The following AGK variants were observed in gnomAD, a reference collection of about 807,000 sequenced individuals.
AGK encodes the protein acylglycerol kinase, mitochondrial.
AGK carries 52 observed loss-of-function variants against 66.4 expected under a neutral mutation model. That is an observed-to-expected ratio of 0.78 (90% CI 0.63 to 0.99). AGK has a LOEUF of 0.99. Ranked by LOEUF, AGK falls within the 50% of genes least tolerant of loss-of-function variation. The probability of loss-of-function intolerance (pLI) is 0.00; values close to 1 mark genes in which losing one functional copy is unlikely to be tolerated. For synonymous variants in AGK, 182 were observed against 181.1 expected, an observed-to-expected ratio of 1.00 and a Z score of -0.04; for missense variants, 451 against 506.6, an observed-to-expected ratio of 0.89 and a Z score of 1.05.
At position 141,648,619 on chromosome 7, in the gene AGK, G is replaced by A. The variant is rs147916089; in HGVS notation, c.976-644G>A. Among the ~76,000 whole-genome samples the A allele has an allele frequency of 1.4e-3, 206 of 152,302 alleles. 2 individuals carry two copies. The highest frequency in any genetic ancestry group is 4.8e-3 in the African/African-American group (198 of 41,568). ...GATTGATTTACAGAGGGCTAGGTTT[G>A]TATGGCTAGTCACTGACTGGTAGCA... On this transcript the variant is annotated intron_variant, in intron 13 of 15. Coordinates refer to ENST00000649286, the MANE Select transcript of AGK (RefSeq NM_018238.4).
chr7:141,639,345 G>A (rs1252021029), intron 11 of AGK, among the ~76,000 whole-genome samples: 1 of 152,096 alleles, frequency 6.6e-6, no homozygotes, highest in Non-Finnish European at 1.5e-5. Context: ...AGAAACATGG[G>A]GTCAATATGG....
intron 4 of AGK, 110 bp from the exon 5 acceptor site, chr7:141,601,095 C>A: frequency 2.9e-6 from 2 of 690,476 alleles, no homozygotes; most frequent in Middle Eastern, 5.0e-4. Flanking sequence ...ATAAAGGAAA[C>A]CCGTATTGCA....
chr7:141,644,806 TAGAA>T (rs1478697887), intron 13 of AGK, among the ~76,000 whole-genome samples: 4 of 152,166 alleles, frequency 2.6e-5, no homozygotes, highest in African/African-American at 4.8e-5. Context: ...TCTTTCCAAA[TAGAA>T]AGCCAGTTGT....
intron 5 of AGK, among the ~76,000 whole-genome samples, chr7:141,605,815 G>A (rs967863657): frequency 1.3e-5 from 2 of 152,140 alleles, no homozygotes; most frequent in Non-Finnish European, 2.9e-5. Flanking sequence ...CGACTCTAAG[G>A]CATGTGCTTT....
intron 9 of AGK, among the ~76,000 whole-genome samples, chr7:141,627,510 T>C (rs1020188214): frequency 1.3e-5 from 2 of 152,226 alleles, no homozygotes; most frequent in Non-Finnish European, 2.9e-5. Flanking sequence ...GTTAGTTACA[T>C]AGAGCTTGCT....
chr7:141,577,505 A>G (rs894511125), intron 2 of AGK, among the ~76,000 whole-genome samples: 2 of 152,304 alleles, frequency 1.3e-5, no homozygotes, highest in East Asian at 1.9e-4. Context: ...CTTGCAGACA[A>G]TTTGAAGGGT....
intron 2 of AGK, among the ~76,000 whole-genome samples, chr7:141,558,385 G>T (rs1456848442): frequency 6.6e-6 from 1 of 151,196 alleles, no homozygotes; most frequent in African/African-American, 2.4e-5. Context: ...CGCTGGTCTC[G>T]AACTCCTGAC....
rs1796156859 is a variant in AGK at position 141,593,071 on chromosome 7, T to C, written c.102-75T>C. The C allele has an allele frequency of 3.7e-6, 5 of 1,357,622 alleles. No individual in the cohort carries two copies. The East Asian group carries it at 7.0e-5, about 19-fold the overall frequency. The allele number at this position is 1,357,622 out of a possible 1,614,324, so 84.1% of individuals were successfully genotyped here. ...AGAAGAGGTGCCTATATTAAAAAAT[T>C]AAAAAGCTCACAAATTTTGTTTGGA... On this transcript the variant is annotated intron_variant, in intron 2 of 15. Transcript: ENST00000649286.
intron 13 of AGK, among the ~76,000 whole-genome samples, chr7:141,646,561 A>C (rs1797418001): frequency 6.6e-6 from 1 of 152,238 alleles, no homozygotes; most frequent in African/African-American, 2.4e-5. Context: ...TCCAGAACAA[A>C]GCTTTAGAAC....
At chr7:141,624,245 T>C (rs1227852479) in intron 9 of AGK, among the ~76,000 whole-genome samples, 3 of 152,138 alleles carry the variant, frequency 2.0e-5, no homozygotes, top group African/African-American at 4.8e-5. Context: ...ATTTAATAAA[T>C]AAATTGTGGA....
chr7:141,636,013 C>A (rs1275634256), intron 10 of AGK, among the ~76,000 whole-genome samples: 1 of 152,176 alleles, frequency 6.6e-6, no homozygotes, highest in Admixed American at 6.6e-5. Context: ...GATTTGTTAA[C>A]AGAGATAAGT....
At chr7:141,558,365 C>A (rs924490335) in intron 2 of AGK, among the ~76,000 whole-genome samples, 4 of 150,730 alleles carry the variant, frequency 2.7e-5, no homozygotes, top group Admixed American at 2.6e-4. Flanking sequence ...TTTTTTTAAC[C>A]ATGTTGGCCC....
chr7:141,566,264 A>T (rs898979310), intron 2 of AGK, among the ~76,000 whole-genome samples: 1 of 152,058 alleles, frequency 6.6e-6, no homozygotes, highest in African/African-American at 2.4e-5. Flanking sequence ...TATATTATTC[A>T]TTGCTATTGT....
In AGK at chr7:141,653,254, G is replaced by T; in HGVS notation, c.*330G>T. The T allele has an allele frequency of 4.6e-6, 1 of 219,174 alleles. No individual in the cohort carries two copies. Among genetic ancestry groups the T allele is most frequent in the Non-Finnish European group, 9.3e-6 (1 of 107,192 alleles). The allele number at this position is 219,174 out of a possible 1,614,324, so 13.6% of individuals were successfully genotyped here. A position where few individuals can be genotyped will look rare whatever the true frequency, so the allele number is the denominator to read the frequency against. On this transcript the variant is annotated 3_prime_UTR_variant, in exon 16 of 16. Transcript: ENST00000649286. ...CAGTGGAGAGCCCACGGTGGGCTTA[G>T]CCTGCCTAGGCCCTTCCATTTCTCT... is the stretch of plus-strand genomic sequence containing the variant.
chr7:141,652,758 A>C (rs987641231), intron 15 of AGK, 29 bp from the exon 16 acceptor site: 3 of 1,611,120 alleles, frequency 1.9e-6, no homozygotes, highest in Non-Finnish European at 2.5e-6. Context: ...GATGTGTTTG[A>C]GCTGTTCTGA....
chr7:141,575,776 A>T (rs2116886425), intron 2 of AGK, among the ~76,000 whole-genome samples: 1 of 150,878 alleles, frequency 6.6e-6, no homozygotes, highest in Non-Finnish European at 1.5e-5. Context: ...ATTGCTGTAA[A>T]TATTTGGAAG....
intron 3 of AGK, chr7:141,593,388 C>T (rs1264202164): frequency 8.5e-6 from 6 of 704,378 alleles, no homozygotes; most frequent in Admixed American, 4.0e-5. Flanking sequence ...AGTTCTGACG[C>T]CCACCCCTAT....
rs981073579 is a variant in AGK, at chr7:141,555,334, GT to G, written c.-14-118del. ...GGAGAAGTGGTAAGGAGGAAGAGGA[GT>G]GAGTGGGAAAAAAAGGAGTGAGAGA... On this transcript the variant is annotated intron_variant, in intron 1 of 15. Coordinates refer to ENST00000649286, the MANE Select transcript of AGK (RefSeq NM_018238.4). This position sits in a 1 kb window ranked among gnomAD's most constrained non-coding sequence, Gnocchi z 4.2. 21 of 624,744 alleles carry G rather than the reference GT, an allele frequency of 3.4e-5. No individual in the cohort carries two copies. In the African/African-American group the frequency reaches 3.9e-4, roughly 12 times the overall value. 38.7% of individuals were successfully genotyped at this position (624,744 alleles called of 1,614,324 possible).
In AGK at chr7:141,571,832, A is replaced by AT. The variant is rs569102902; in HGVS notation, c.101+16273dup. Among the ~76,000 whole-genome samples, 422 of 152,166 alleles carry AT rather than the reference A, an allele frequency of 2.8e-3. 1 individual carries two copies. Among genetic ancestry groups the AT allele is most frequent in the Non-Finnish European group, 4.6e-3 (316 of 68,002 alleles). ...AGTACCCATTTCACTGGTCATGCAG[A>AT]TTTTTTTTAGAACAATGCCTGACAC... On this transcript the variant is annotated intron_variant, in intron 2 of 15. Transcript: ENST00000649286.
Sources: gnomAD v4.1 joint callset for allele counts (sites outside exome capture counted in the v4.1 genomes callset) on GRCh38, gnomAD v4.1.1 for gene constraint, Gnocchi (gnomAD v3.1) non-coding constraint, MANE v1.5 for transcripts, NCBI Gene and HGNC (gene_info 2026-07-23, HGNC 2026-07-21) for gene names.